NOPCHAP1: variants seen among roughly 807,000 people sequenced by gnomAD.
NOPCHAP1 encodes the protein NOP protein chaperone 1.
A neutral mutation model predicts 14.0 loss-of-function variants in NOPCHAP1; 13 were observed. The observed-to-expected ratio is 0.93, with a 90% CI of 0.60 to 1.47. The LOEUF (loss-of-function observed/expected upper bound fraction) is 1.47. Among genes scored for constraint, NOPCHAP1 ranks in the 40% most tolerant of loss-of-function variants. NOPCHAP1 has a pLI of 0.00. For missense variants in NOPCHAP1, 230 were observed against 226.9 expected (o/e 1.01, Z -0.09); for synonymous variants, 78 against 78.4 (o/e 1.00, Z 0.03).
At chr12:104,991,272 T>C (rs1873368239) in intron 2 of NOPCHAP1, among the ~76,000 whole-genome samples, 1 of 152,168 alleles carries the variant, frequency 6.6e-6, no homozygotes, top group Admixed American at 6.5e-5. Context: ...GGTTATATTA[T>C]CAGAAGAAAG....
At position 104,998,353 on chromosome 12, in the gene NOPCHAP1, T is replaced by G. The variant is rs1183769864; in HGVS notation, c.*3657T>G. 1.3e-5 allele frequency: 2 copies of G among 152,242 alleles called. No individual in the cohort carries two copies. The highest frequency in any genetic ancestry group is 4.8e-5 in the African/African-American group (2 of 41,464). The allele number at this position is 152,242 out of a possible 1,614,324, so 9.4% of individuals were successfully genotyped here. ...AAGTTGCTATCCTTTGGATGATTTT[T>G]TTTCTTTTATCCTACTTTATGTCCT... On this transcript the variant is annotated 3_prime_UTR_variant, in exon 4 of 4. Transcript: ENST00000552951.
In NOPCHAP1 at chr12:104,991,750, C is replaced by T. The variant is rs377566774; in HGVS notation, c.241C>T (p.Arg81Trp). The change falls in exon 3 of 4, where the codon CGG becomes TGG. Residue 81 changes from arginine to tryptophan, a missense_variant. Arg to Trp is a moderately radical substitution (Grantham distance 101). Coordinates refer to ENST00000552951, the MANE Select transcript of NOPCHAP1 (RefSeq NM_152318.3). ...ACAGACATTTCTCCCACAGATGGCA[C>T]GGGCAAATGAAAAGCTAAGAAAAGA... ...QVQTFLPQMA[R>W]ANEKLRKEMA... 26 of 1,613,388 alleles carry T rather than the reference C, an allele frequency of 1.6e-5. 1 individual carries two copies. The highest frequency in any genetic ancestry group is 5.3e-5 in the African/African-American group (4 of 74,858).
In NOPCHAP1 at chr12:105,015,907, G is replaced by C. The variant is rs1873934707; in HGVS notation, c.*21211G>C. 6.6e-6 allele frequency: 1 copy of C among 150,922 alleles called. No individual in the cohort carries two copies. Among genetic ancestry groups the C allele is most frequent in the Non-Finnish European group, 1.5e-5 (1 of 67,866 alleles). 9.3% of individuals were successfully genotyped at this position (150,922 alleles called of 1,614,324 possible). A position where few individuals can be genotyped will look rare whatever the true frequency, so the allele number is the denominator to read the frequency against. On this transcript the variant is annotated 3_prime_UTR_variant, in exon 4 of 4. Transcript: ENST00000552951. ...CAAAGATAAATTATATATGGATTAA[G>C]GATTTAAATGTAAAAAAAGAAATTA...
chr12:104,993,416 C>T (rs892396422), intron 3 of NOPCHAP1, among the ~76,000 whole-genome samples: 1 of 152,100 alleles, frequency 6.6e-6, no homozygotes, highest in African/African-American at 2.4e-5. Flanking sequence ...GATCCAGGTG[C>T]TCAGTGTCCT....
Position 105,006,222 on chromosome 12 carries a change from C to T in NOPCHAP1, c.*11526C>T, listed in dbSNP as rs1484385393. ...GTTTCAGGCTTGATGGCTTTCACAG[C>T]TTTTTCTATAACAATGATATTGTCT... On this transcript the variant is annotated 3_prime_UTR_variant, in exon 4 of 4. Transcript: ENST00000552951. 1.3e-5 allele frequency: 2 copies of T among 152,148 alleles called. No individual in the cohort carries two copies. Among genetic ancestry groups the T allele is most frequent in the Non-Finnish European group, 2.9e-5 (2 of 68,022 alleles). 9.4% of individuals were successfully genotyped at this position (152,148 alleles called of 1,614,324 possible).
At position 105,001,891 on chromosome 12, in the gene NOPCHAP1, T is replaced by A. The variant is rs1873617904; in HGVS notation, c.*7195T>A. 6.6e-6 allele frequency: 1 copy of A among 152,214 alleles called. No individual in the cohort carries two copies. 9.4% of individuals were successfully genotyped at this position (152,214 alleles called of 1,614,324 possible). A position where few individuals can be genotyped will look rare whatever the true frequency, so the allele number is the denominator to read the frequency against. Reference sequence around the variant, plus strand: ...TTTTGTTTTTCCATGTTTATTTCTTTTCTTTTTTTAATAGTACTTTGAGTT... The same window carrying A: ...TTTTGTTTTTCCATGTTTATTTCTTATCTTTTTTTAATAGTACTTTGAGTT... On this transcript the variant is annotated 3_prime_UTR_variant, in exon 4 of 4. Coordinates refer to ENST00000552951, the MANE Select transcript of NOPCHAP1 (RefSeq NM_152318.3).
At chr12:104,989,741 A>G (rs778107229) in intron 2 of NOPCHAP1, among the ~76,000 whole-genome samples, 10 of 152,174 alleles carry the variant, frequency 6.6e-5, no homozygotes, top group African/African-American at 1.7e-4. Flanking sequence ...AGGGACTCCA[A>G]TGACACCTAA....
At chr12:104,994,272 A>G (rs1044576141) in intron 3 of NOPCHAP1, among the ~76,000 whole-genome samples, 3 of 152,204 alleles carry the variant, frequency 2.0e-5, no homozygotes, top group Admixed American at 6.5e-5. Context: ...GCTTGAGCCC[A>G]GGAGGCGGAG....
In NOPCHAP1 at chr12:105,014,182, A is replaced by C. The variant is rs536172600; in HGVS notation, c.*19486A>C. ...TTATGATTTAATACTGTGTCTTTGCATTTGTTTGTATTTCTTTCAACTGCA... is the reference window on the plus strand; with the variant it reads ...TTATGATTTAATACTGTGTCTTTGCCTTTGTTTGTATTTCTTTCAACTGCA... On this transcript the variant is annotated 3_prime_UTR_variant, in exon 4 of 4. Transcript: ENST00000552951. The C allele has an allele frequency of 6.6e-5, 10 of 152,166 alleles. No individual in the cohort carries two copies. The highest frequency in any genetic ancestry group is 6.6e-4 in the Admixed American group (10 of 15,266). The allele number at this position is 152,166 out of a possible 1,614,324, so 9.4% of individuals were successfully genotyped here.
intron 2 of NOPCHAP1, among the ~76,000 whole-genome samples, chr12:104,989,900 T>A (rs1389345108): frequency 6.6e-6 from 1 of 152,226 alleles, no homozygotes; most frequent in Non-Finnish European, 1.5e-5. Context: ...ATCAAATGTA[T>A]TTTTTCAAGG....
Position 105,016,323 on chromosome 12 carries a change from T to C in NOPCHAP1, c.*21627T>C, listed in dbSNP as rs1434147414. The C allele has an allele frequency of 6.6e-6, 1 of 152,192 alleles. No homozygotes were observed. Among genetic ancestry groups the C allele is most frequent in the Non-Finnish European group, 1.5e-5 (1 of 68,018 alleles). The allele number at this position is 152,192 out of a possible 1,614,324, so 9.4% of individuals were successfully genotyped here. ...CCTGTCAAATTGGCAGATGCAACAG[T>C]AGCTGGTACTTACTGAGCCCTTTCT... is the stretch of plus-strand genomic sequence containing the variant. On this transcript the variant is annotated 3_prime_UTR_variant, in exon 4 of 4. Transcript: ENST00000552951.
In NOPCHAP1 at chr12:105,001,628, G is replaced by T. The variant is rs967509391; in HGVS notation, c.*6932G>T. 2 of 152,140 alleles carry T rather than the reference G, an allele frequency of 1.3e-5. No homozygotes were observed. Among genetic ancestry groups the T allele is most frequent in the African/African-American group, 4.8e-5 (2 of 41,438 alleles). The allele number at this position is 152,140 out of a possible 1,614,324, so 9.4% of individuals were successfully genotyped here. On this transcript the variant is annotated 3_prime_UTR_variant, in exon 4 of 4. Transcript: ENST00000552951. Reference sequence around the variant, plus strand: ...GTCTTGCCCCAGCAGATTTACTGGGGCAGTATCACATAATTAAAAAGTATG... The same window carrying T: ...GTCTTGCCCCAGCAGATTTACTGGGTCAGTATCACATAATTAAAAAGTATG...
In NOPCHAP1 at chr12:104,988,237, G is replaced by C. The variant is rs774131829; in HGVS notation, c.186G>C (p.Arg62=). 1.2e-6 allele frequency: 2 copies of C among 1,611,444 alleles called. No individual in the cohort carries two copies. Among genetic ancestry groups the C allele is most frequent in the Admixed American group, 1.7e-5 (1 of 59,914 alleles). The change falls in exon 2 of 4, where the codon CGG becomes CGC. Residue 62 remains arginine (R), a synonymous_variant. Coordinates refer to ENST00000552951, the MANE Select transcript of NOPCHAP1 (RefSeq NM_152318.3). ...AGACCTCCACTCTTCAAACAGTTCG[G>C]ATAGAGAGGAGTCCCTGTAAGTACC... ...SRKTSTLQTV[R]IERSPLLDQV...
rs936172611 is a variant in NOPCHAP1, at chr12:105,001,017, T to G, written c.*6321T>G. 1 of 151,620 alleles carries G rather than the reference T, an allele frequency of 6.6e-6. No individual in the cohort carries two copies. Among genetic ancestry groups the G allele is most frequent in the African/African-American group, 2.4e-5 (1 of 41,300 alleles). 9.4% of individuals were successfully genotyped at this position (151,620 alleles called of 1,614,324 possible). A position where few individuals can be genotyped will look rare whatever the true frequency, so the allele number is the denominator to read the frequency against. On this transcript the variant is annotated 3_prime_UTR_variant, in exon 4 of 4. Coordinates refer to ENST00000552951, the MANE Select transcript of NOPCHAP1 (RefSeq NM_152318.3). Reference sequence around the variant, plus strand: ...AATACCTTTGGACGAGGCAATTCAATCAATTCAGTTAACTTTACCAATTTC... The same window carrying G: ...AATACCTTTGGACGAGGCAATTCAAGCAATTCAGTTAACTTTACCAATTTC...
chr12:105,001,173 T>C lies in NOPCHAP1; in HGVS notation c.*6477T>C, dbSNP rs1873601682. The C allele has an allele frequency of 6.6e-6, 1 of 152,140 alleles. No homozygotes were observed. The allele number at this position is 152,140 out of a possible 1,614,324, so 9.4% of individuals were successfully genotyped here. ...TTGTCCAGTGAAACAGGTTCTTCTA[T>C]TGCTGGAAATTCCTCCAGGGAAGCC... On this transcript the variant is annotated 3_prime_UTR_variant, in exon 4 of 4. Transcript: ENST00000552951.
At position 105,011,063 on chromosome 12, in the gene NOPCHAP1, A is replaced by C. The variant is rs1185212279; in HGVS notation, c.*16367A>C. 3 of 152,130 alleles carry C rather than the reference A, an allele frequency of 2.0e-5. No individual in the cohort carries two copies. Among genetic ancestry groups the C allele is most frequent in the Non-Finnish European group, 4.4e-5 (3 of 68,022 alleles). The allele number at this position is 152,130 out of a possible 1,614,324, so 9.4% of individuals were successfully genotyped here. A position where few individuals can be genotyped will look rare whatever the true frequency, so the allele number is the denominator to read the frequency against. On this transcript the variant is annotated 3_prime_UTR_variant, in exon 4 of 4. Transcript: ENST00000552951. ...TTTCTGTCTTGTTGATCTATCTAAT[A>C]CTGACAGTGGGGTGTTAAAGTCTCC...
In NOPCHAP1 at chr12:104,995,745, A is replaced by T. The variant is rs1306464117; in HGVS notation, c.*1049A>T. 1.3e-5 allele frequency: 2 copies of T among 151,306 alleles called. No homozygotes were observed. The highest frequency in any genetic ancestry group is 4.9e-5 in the African/African-American group (2 of 41,020). The allele number at this position is 151,306 out of a possible 1,614,324, so 9.4% of individuals were successfully genotyped here. A position where few individuals can be genotyped will look rare whatever the true frequency, so the allele number is the denominator to read the frequency against. On this transcript the variant is annotated 3_prime_UTR_variant, in exon 4 of 4. Coordinates refer to ENST00000552951, the MANE Select transcript of NOPCHAP1 (RefSeq NM_152318.3). ...GCTCAGGCTGGAGTGCAGTGGCGCGATCTCAGCTCACTACAAGCTCTGCCT... is the reference window on the plus strand; with the variant it reads ...GCTCAGGCTGGAGTGCAGTGGCGCGTTCTCAGCTCACTACAAGCTCTGCCT...
rs11112290 is a variant in NOPCHAP1, at chr12:104,997,241, T to C, written c.*2545T>C. The C allele has an allele frequency of 0.08, 12,110 of 152,270 alleles. 549 individuals are homozygous for C. Among genetic ancestry groups the C allele is most frequent in the East Asian group, 0.17 (866 of 5,182 alleles). The allele number at this position is 152,270 out of a possible 1,614,324, so 9.4% of individuals were successfully genotyped here. On this transcript the variant is annotated 3_prime_UTR_variant, in exon 4 of 4. Transcript: ENST00000552951. ...CTGGTAACCCAGTCTTTCCTTTATATAGTTAGCACTCCCTTCCAAAACTCT... is the reference window on the plus strand; with the variant it reads ...CTGGTAACCCAGTCTTTCCTTTATACAGTTAGCACTCCCTTCCAAAACTCT...
At position 105,009,095 on chromosome 12, in the gene NOPCHAP1, T is replaced by C. The variant is rs1418887383; in HGVS notation, c.*14399T>C. The stretch of plus-strand genomic sequence containing the variant: ...AGGCAGTATGGCCATTTTCACGATA[T>C]TGATTCTTCCTATCCATGAGCATGG... On this transcript the variant is annotated 3_prime_UTR_variant, in exon 4 of 4. Coordinates refer to ENST00000552951, the MANE Select transcript of NOPCHAP1 (RefSeq NM_152318.3). 3.9e-5 allele frequency: 6 copies of C among 152,234 alleles called. No individual in the cohort carries two copies. Among genetic ancestry groups the C allele is most frequent in the African/African-American group, 9.6e-5 (4 of 41,454 alleles). The allele number at this position is 152,234 out of a possible 1,614,324, so 9.4% of individuals were successfully genotyped here. A position where few individuals can be genotyped will look rare whatever the true frequency, so the allele number is the denominator to read the frequency against.
Sources: allele counts gnomAD v4.1 joint callset (sites outside exome capture counted in the v4.1 genomes callset), GRCh38; gene constraint gnomAD v4.1.1; transcripts MANE v1.5; gene names NCBI Gene and HGNC (gene_info 2026-07-23, HGNC 2026-07-21).